ARHGAP44: variants seen among roughly 807,000 people sequenced by gnomAD.
ARHGAP44 encodes Rho GTPase activating protein 44.
A neutral mutation model predicts 106.8 loss-of-function variants in ARHGAP44; 43 were observed. The ratio of observed to expected loss-of-function variants is 0.40; its 90% CI spans 0.32 to 0.52. The LOEUF (loss-of-function observed/expected upper bound fraction) is 0.52. Ranked by LOEUF, ARHGAP44 falls within the 20% of genes least tolerant of loss-of-function variation. The pLI is 0.48. For missense variants in ARHGAP44, 866 were observed against 1,050.5 expected, an observed-to-expected ratio of 0.82 and a Z score of 2.43; for synonymous variants, 439 against 410.3, an observed-to-expected ratio of 1.07 and a Z score of -0.85.
intron 8 of ARHGAP44, among the ~76,000 whole-genome samples, chr17:12,941,831 G>A (rs1338009823): frequency 6.6e-6 from 1 of 151,902 alleles, no homozygotes. Context: ...AAAAAACTTC[G>A]AAAGAGAAAA....
At chr17:12,826,139 G>A (rs117907093) in intron 1 of ARHGAP44, among the ~76,000 whole-genome samples, 1 of 152,082 alleles carries the variant, frequency 6.6e-6, no homozygotes, top group African/African-American at 2.4e-5. Context: ...AGGTAAACTT[G>A]TGTCCTGGGG....
intron 1 of ARHGAP44, among the ~76,000 whole-genome samples, chr17:12,867,703 A>G (rs2036272954): frequency 6.6e-6 from 1 of 152,170 alleles, no homozygotes; most frequent in Admixed American, 6.5e-5. Flanking sequence ...AACTCCACCC[A>G]GGGAATCTTT....
At chr17:12,950,274 A>C (rs771126599) in intron 12 of ARHGAP44, among the ~76,000 whole-genome samples, 11 of 152,192 alleles carry the variant, frequency 7.2e-5, no homozygotes, top group Admixed American at 3.3e-4. Flanking sequence ...CTTTACCCTC[A>C]TCTATAATAG....
In ARHGAP44 at chr17:12,952,570, C is replaced by T. The variant is rs747199248; in HGVS notation, c.1125C>T (p.His375=). The change falls in exon 13 of 21, where the codon CAC becomes CAT. Residue 375 remains histidine (H), a synonymous_variant. Transcript: ENST00000379672. ...GTGAAAAGTTGCCCAAGGCCAATCA[C>T]AACAACATCCGGTAAGTGGATACTT... ...NACEKLPKAN[H]NNIRYLIKFL... is the part of the protein sequence containing the mutation. 2.9e-5 allele frequency: 45 copies of T among 1,569,768 alleles called. No homozygotes were observed. Among genetic ancestry groups the T allele is most frequent in the Non-Finnish European group, 3.7e-5 (43 of 1,156,804 alleles).
intron 1 of ARHGAP44, among the ~76,000 whole-genome samples, chr17:12,803,100 G>A (rs2034169378): frequency 6.7e-6 from 1 of 149,236 alleles, no homozygotes; most frequent in Non-Finnish European, 1.5e-5. Flanking sequence ...AGCCTCCCGA[G>A]TAGCTGGGAT....
At chr17:12,968,363 C>T (rs567940001) in intron 16 of ARHGAP44, among the ~76,000 whole-genome samples, 3 of 152,270 alleles carry the variant, frequency 2.0e-5, no homozygotes, top group African/African-American at 7.2e-5. Flanking sequence ...GCAGGAGGCT[C>T]CCCAGGACGT....
intron 18 of ARHGAP44, among the ~76,000 whole-genome samples, chr17:12,978,667 CTT>C (rs1001520189): frequency 6.8e-6 from 1 of 146,440 alleles, no homozygotes; most frequent in African/African-American, 2.5e-5. Context: ...CTGTGCCTGC[CTT>C]TTTTTTTTCT....
chr17:12,843,336 C>G (rs1029159943), intron 1 of ARHGAP44, among the ~76,000 whole-genome samples: 2 of 152,128 alleles, frequency 1.3e-5, no homozygotes, highest in Admixed American at 6.5e-5. Flanking sequence ...CCACGGTTCT[C>G]TTCAGATCTA....
chr17:12,921,211 C>T (rs1233557801), intron 6 of ARHGAP44, among the ~76,000 whole-genome samples: 1 of 152,082 alleles, frequency 6.6e-6, no homozygotes, highest in African/African-American at 2.4e-5. Flanking sequence ...GGATTACAGG[C>T]ACCTGCCACC....
chr17:12,846,149 G>C (rs2035564089), intron 1 of ARHGAP44, among the ~76,000 whole-genome samples: 1 of 151,718 alleles, frequency 6.6e-6, no homozygotes, highest in African/African-American at 2.4e-5. Context: ...ATATTCGAGG[G>C]CTTCAGTAAT....
chr17:12,953,249 C>T (rs948970749), intron 13 of ARHGAP44, among the ~76,000 whole-genome samples: 4 of 152,136 alleles, frequency 2.6e-5, no homozygotes, highest in Admixed American at 1.3e-4. Flanking sequence ...TGCTACCACC[C>T]GAGCTTCCAC....
intron 1 of ARHGAP44, among the ~76,000 whole-genome samples, chr17:12,794,269 T>C (rs775610746): frequency 1.3e-5 from 2 of 151,898 alleles, no homozygotes; most frequent in Non-Finnish European, 2.9e-5. Flanking sequence ...GAAGAAGTAA[T>C]GGTACCTTGA....
intron 14 of ARHGAP44, 149 bp from the exon 15 acceptor site, chr17:12,956,506 C>T (rs2039130390): frequency 1.6e-6 from 1 of 638,714 alleles, no homozygotes; most frequent in South Asian, 1.9e-5. Flanking sequence ...GTGAAGATTC[C>T]CTCCCAAGAG....
At chr17:12,876,556 T>C (rs904837115) in intron 1 of ARHGAP44, among the ~76,000 whole-genome samples, 3 of 152,046 alleles carry the variant, frequency 2.0e-5, no homozygotes, top group Non-Finnish European at 2.9e-5. Context: ...GGAGGAATAT[T>C]AGGAGGAATG....
intron 15 of ARHGAP44, among the ~76,000 whole-genome samples, chr17:12,957,999 A>G (rs1228728766): frequency 6.6e-6 from 1 of 152,176 alleles, no homozygotes; most frequent in Non-Finnish European, 1.5e-5. Context: ...TGCGTTGATA[A>G]CAGAGTTGGG....
Position 12,974,262 on chromosome 17 carries a change from C to G in ARHGAP44, c.1715C>G (p.Ala572Gly), listed in dbSNP as rs1015683361. 2 of 1,510,192 alleles carry G rather than the reference C, an allele frequency of 1.3e-6. No individual in the cohort carries two copies. The highest frequency in any genetic ancestry group is 1.8e-6 in the Non-Finnish European group (2 of 1,132,008). 93.5% of individuals were successfully genotyped at this position (1,510,192 alleles called of 1,614,324 possible). A position where few individuals can be genotyped will look rare whatever the true frequency, so the allele number is the denominator to read the frequency against. ...CCCCTGGACAGCCCCGCGGCCCCCG[C>G]GCTCTCTCCATCCGGCCTGGGCCTC... ...EQPLDSPAAPALSPSGLGLQP... is the reference protein window; with the variant it reads ...EQPLDSPAAPGLSPSGLGLQP... The change falls in exon 18 of 21, where the codon GCG becomes GGG. Residue 572 changes from alanine to glycine, a missense_variant. Physicochemically the swap from Ala to Gly is moderately conservative, Grantham distance 60. Transcript: ENST00000379672.
chr17:12,989,608 C>G (rs2040059066), intron 20 of ARHGAP44, among the ~76,000 whole-genome samples: 1 of 152,170 alleles, frequency 6.6e-6, no homozygotes, highest in South Asian at 2.1e-4. Flanking sequence ...TCCCCATTCT[C>G]TCACAGGCTT....
chr17:12,887,515 C>T (rs2036917337), intron 1 of ARHGAP44, among the ~76,000 whole-genome samples: 2 of 152,152 alleles, frequency 1.3e-5, no homozygotes, highest in South Asian at 4.1e-4. Flanking sequence ...GTTGGGATTA[C>T]AGACGTCAGT....
At chr17:12,814,565 T>G (rs1048997948) in intron 1 of ARHGAP44, among the ~76,000 whole-genome samples, 2 of 152,130 alleles carry the variant, frequency 1.3e-5, no homozygotes, top group Admixed American at 6.5e-5. Context: ...GTAACTTTTC[T>G]GTACCCGGAG....
Sources: gnomAD v4.1 joint callset for allele counts (sites outside exome capture counted in the v4.1 genomes callset) on GRCh38, gnomAD v4.1.1 for gene constraint, MANE v1.5 for transcripts, NCBI Gene and HGNC (gene_info 2026-07-23, HGNC 2026-07-21) for gene names.